The following GOLGA6L2 variants were observed in gnomAD, a reference collection of about 807,000 sequenced individuals.
The protein encoded by GOLGA6L2 is golgin A6 family like 2.
In GOLGA6L2, 30 loss-of-function variants were observed where a neutral mutation model predicts 35.9. The ratio of observed to expected loss-of-function variants is 0.83; its 90% confidence interval spans 0.62 to 1.13. The LOEUF is 1.13. Ranked by LOEUF, GOLGA6L2 falls within the 50% of genes most tolerant of loss-of-function variation. The pLI is 0.00. For missense variants in GOLGA6L2, 821 were observed against 973.4 expected, an observed-to-expected ratio of 0.84 and a Z score of 2.08; for synonymous variants, 297 against 344.0, an observed-to-expected ratio of 0.86 and a Z score of 1.51.
At chr15:23,447,044 G>A in intron 1 of GOLGA6L2, 54 bp downstream of exon 1, 2 of 874,428 alleles carry the variant, frequency 2.3e-6, no homozygotes, top group East Asian at 5.5e-5. Flanking sequence ...TCTGCCATGG[G>A]AGGGGGCCTG....
At chr15:23,444,869 T>C (rs1261698183) in intron 2 of GOLGA6L2, among the ~76,000 whole-genome samples, 1 of 151,328 alleles carries the variant, frequency 6.6e-6, no homozygotes, top group African/African-American at 2.4e-5. Flanking sequence ...TGCTGGGATA[T>C]AGGACGGAAA....
chr15:23,444,382 A>G (rs765114960), intron 3 of GOLGA6L2, 89 bp downstream of exon 3: 331 of 1,505,514 alleles, frequency 2.2e-4, no homozygotes, highest in Non-Finnish European at 2.8e-4. Flanking sequence ...TTCTTCCCCA[A>G]GCTGGGAGTA....
In GOLGA6L2 at chr15:23,442,018, T is replaced by C. The variant is rs778723158; in HGVS notation, c.753A>G (p.Leu251=). 5.8e-6 allele frequency: 9 copies of C among 1,545,226 alleles called. 1 individual carries two copies. Among genetic ancestry groups the C allele is most frequent in the Middle Eastern group, 2.3e-4 (1 of 4,378 alleles). ...KSEIQLNVKE[L]KRKLERAKFL... ...ACTTGGCCCTCTCCAGTTTCCTTTT[T>C]AGCTCCTTCACGTTGAGCTGGATCT... The change falls in exon 7 of 8, where the codon CTA becomes CTG. Residue 251 remains leucine, a synonymous_variant. Coordinates refer to ENST00000567107, the MANE Select transcript of GOLGA6L2 (RefSeq NM_001304388.2).
chr15:23,443,842 G>A lies in GOLGA6L2; in HGVS notation c.526C>T (p.His176Tyr). ...GCCCGCTGTAACTCTCCTGCAAAGTGCCAGGAATGATGCAAGCGGCCGGCG... is the reference window on the plus strand; with the variant it reads ...GCCCGCTGTAACTCTCCTGCAAAGTACCAGGAATGATGCAAGCGGCCGGCG... ...DLAGRLHHSW[H>Y]FAGELQRALS... The change falls in exon 5 of 8, where the codon CAC (histidine) becomes TAC (tyrosine). Residue 176 changes from histidine to tyrosine, a missense_variant. Physicochemically the swap from His to Tyr is moderately conservative, Grantham distance 83. Coordinates refer to ENST00000567107, the MANE Select transcript of GOLGA6L2 (RefSeq NM_001304388.2). 1.3e-6 allele frequency: 2 copies of A among 1,540,596 alleles called. No homozygotes were observed. The highest frequency in any genetic ancestry group is 8.7e-7 in the Non-Finnish European group (1 of 1,149,444).
Position 23,441,587 on chromosome 15 carries a change from C to A in GOLGA6L2, c.888G>T (p.Trp296Cys), listed in dbSNP as rs763440228. Residue 296 changes from tryptophan to cysteine, a missense_variant, in exon 8 of 8, where the codon TGG becomes TGT. Physicochemically the swap from Trp to Cys is radical, Grantham distance 215. Coordinates refer to ENST00000567107, the MANE Select transcript of GOLGA6L2 (RefSeq NM_001304388.2). Reference sequence around the variant, plus strand: ...GCTCCCGCAGTCTCTCCTCCTGTCTCCACATCTTCTCCTCCTGCTTCCGTA... The same window carrying A: ...GCTCCCGCAGTCTCTCCTCCTGTCTACACATCTTCTCCTCCTGCTTCCGTA... The part of the protein sequence containing the change: ...KKIRKQEEKM[W>C]RQEERLREQE... The A allele has an allele frequency of 3.9e-5, 61 of 1,549,194 alleles. No individual in the cohort carries two copies. Among genetic ancestry groups the A allele is most frequent in the Non-Finnish European group, 5.1e-5 (58 of 1,146,880 alleles).
rs2141076143 is a variant in GOLGA6L2, at chr15:23,440,316, GAT to G, written c.2157_2158del (p.Arg719SerfsTer63). On this transcript the variant is annotated frameshift_variant, in exon 8 of 8. Coordinates refer to ENST00000567107, the MANE Select transcript of GOLGA6L2 (RefSeq NM_001304388.2). LOFTEE classifies it low-confidence loss of function (END_TRUNC). ...TTCTGGTCCCACATCTTCTGCTCCT[GAT>G]CTCCTGCTCCTGCATCTTCTCGTGT... 45 of 102,042 alleles carry G rather than the reference GAT, an allele frequency of 4.4e-4. No homozygotes were observed. The highest frequency in any genetic ancestry group is 3.8e-3 in the Middle Eastern group (2 of 532). The allele number at this position is 102,042 out of a possible 1,614,324, so 6.3% of individuals were successfully genotyped here. A position where few individuals can be genotyped will look rare whatever the true frequency, so the allele number is the denominator to read the frequency against.
At position 23,443,819 on chromosome 15, in the gene GOLGA6L2, C is replaced by T. The variant is rs1250647197; in HGVS notation, c.549G>A (p.Arg183=). 5.2e-6 allele frequency: 8 copies of T among 1,539,600 alleles called. No homozygotes were observed. The highest frequency in any genetic ancestry group is 7.0e-6 in the Non-Finnish European group (8 of 1,149,014). The part of the protein sequence containing the change: ...HSWHFAGELQ[R]ALSAVSTWHK... ...GCCATGTGGACACAGCAGAGAGAGC[C>T]CGCTGTAACTCTCCTGCAAAGTGCC... is the stretch of plus-strand genomic sequence containing the variant. The change falls in exon 5 of 8, where the codon CGG becomes CGA. Residue 183 remains arginine, a synonymous_variant. Coordinates refer to ENST00000567107, the MANE Select transcript of GOLGA6L2 (RefSeq NM_001304388.2).
intron 5 of GOLGA6L2, 52 bp downstream of exon 5, chr15:23,443,725 C>G: frequency 7.2e-7 from 1 of 1,384,650 alleles, no homozygotes; most frequent in Non-Finnish European, 9.9e-7. Flanking sequence ...AGGCTCATTC[C>G]TCCATCTGCG....
intron 1 of GOLGA6L2, among the ~76,000 whole-genome samples, 180 bp downstream of exon 1, chr15:23,446,918 G>C (rs187669039): frequency 6.6e-6 from 1 of 152,094 alleles, no homozygotes; most frequent in East Asian, 2.0e-4. Flanking sequence ...AAGGGCCGGG[G>C]CAGGACTGCT....
chr15:23,443,806 C>T lies in GOLGA6L2; in HGVS notation c.562G>A (p.Val188Met). 2.6e-6 allele frequency: 4 copies of T among 1,539,176 alleles called. No individual in the cohort carries two copies. The highest frequency in any genetic ancestry group is 3.5e-6 in the Non-Finnish European group (4 of 1,148,618). ...TCTGCCTTCTTGTGCCATGTGGACA[C>T]AGCAGAGAGAGCCCGCTGTAACTCT... The part of the protein sequence containing the change: ...AGELQRALSA[V>M]STWHKKADRY... Residue 188 changes from valine (V) to methionine (M), a missense_variant, in exon 5 of 8, where the codon GTG becomes ATG. By Grantham distance (21) the Val-to-Met change is conservative. Transcript: ENST00000567107.
In GOLGA6L2 at chr15:23,439,541, T is replaced by G; in HGVS notation, c.*204A>C. ...TGTAGGCCTTGTTGACAGTGCCAAC[T>G]TTTAGATATTGATGATCTTCATCTT... is the stretch of plus-strand genomic sequence containing the variant. On this transcript the variant is annotated 3_prime_UTR_variant, in exon 8 of 8. Transcript: ENST00000567107. 6.6e-7 allele frequency: 1 copy of G among 1,520,544 alleles called. No homozygotes were observed. The highest frequency in any genetic ancestry group is 8.8e-7 in the Non-Finnish European group (1 of 1,136,188). The allele number at this position is 1,520,544 out of a possible 1,614,324, so 94.2% of individuals were successfully genotyped here. A position where few individuals can be genotyped will look rare whatever the true frequency, so the allele number is the denominator to read the frequency against.
chr15:23,439,192 C>G lies in GOLGA6L2; in HGVS notation c.*553G>C, dbSNP rs1203434192. Among the ~76,000 whole-genome samples, 6 of 128,470 alleles carry G rather than the reference C, an allele frequency of 4.7e-5. No individual in the cohort carries two copies. Among genetic ancestry groups the G allele is most frequent in the Non-Finnish European group, 9.5e-5 (6 of 63,278 alleles). 84.3% of individuals were successfully genotyped at this position (128,470 alleles called of 152,430 possible). A position where few individuals can be genotyped will look rare whatever the true frequency, so the allele number is the denominator to read the frequency against. On this transcript the variant is annotated 3_prime_UTR_variant, in exon 8 of 8. Coordinates refer to ENST00000567107, the MANE Select transcript of GOLGA6L2 (RefSeq NM_001304388.2). Reference sequence around the variant, plus strand: ...TTGAGATGGAATCTCGCTCTGTCATCCAGGCTGGAATGCGGTGGTGTGATC... The same window carrying G: ...TTGAGATGGAATCTCGCTCTGTCATGCAGGCTGGAATGCGGTGGTGTGATC...
Position 23,442,492 on chromosome 15 carries a change from G to C in GOLGA6L2, c.608C>G (p.Thr203Arg). 6.3e-7 allele frequency: 1 copy of C among 1,594,576 alleles called. No homozygotes were observed. Among genetic ancestry groups the C allele is most frequent in the South Asian group, 1.1e-5 (1 of 90,112 alleles). The part of the protein sequence containing the change: ...KKADRYIEEL[T>R]KERDALSLEL... ...CAGACTCAGGGCGTCCCTCTCCTTT[G>C]TTAACTCCTCGATGTACTGCAAATA... The change falls in exon 6 of 8, where the codon ACA becomes AGA. Residue 203 changes from threonine to arginine, a missense_variant. Coordinates refer to ENST00000567107, the MANE Select transcript of GOLGA6L2 (RefSeq NM_001304388.2).
rs1366177297 is a variant in GOLGA6L2 at position 23,439,172 on chromosome 15, A to G, written c.*573T>C. Among the ~76,000 whole-genome samples, 3 of 17,482 alleles carry G rather than the reference A, an allele frequency of 1.7e-4. No individual in the cohort carries two copies. Among genetic ancestry groups the G allele is most frequent in the Non-Finnish European group, 3.9e-4 (2 of 5,086 alleles). The allele number at this position is 17,482 out of a possible 152,430, so 11.5% of individuals were successfully genotyped here. A position where few individuals can be genotyped will look rare whatever the true frequency, so the allele number is the denominator to read the frequency against. ...TAGAAACTTTTTTTTTTTTTTTGAG[A>G]TGGAATCTCGCTCTGTCATCCAGGC... On this transcript the variant is annotated 3_prime_UTR_variant, in exon 8 of 8. Coordinates refer to ENST00000567107, the MANE Select transcript of GOLGA6L2 (RefSeq NM_001304388.2).
rs528992780 is a variant in GOLGA6L2, at chr15:23,442,334, T to C, written c.650+116A>G. The C allele has an allele frequency of 8.4e-4, 1,078 of 1,281,980 alleles. 2 individuals are homozygous for C. The highest frequency in any genetic ancestry group is 1.8e-3 in the South Asian group (138 of 76,570). The allele number at this position is 1,281,980 out of a possible 1,614,324, so 79.4% of individuals were successfully genotyped here. ...CACAGCCGGCACTAGAGCTTCCCTG[T>C]GCACACATGTAAACCTGTATGACCC... On this transcript the variant is annotated intron_variant, in intron 6 of 7. Transcript: ENST00000567107.
At position 23,440,775 on chromosome 15, in the gene GOLGA6L2, C is replaced by CCCACATCTTCTCCTCCTGCTT. The variant is rs1555364841; in HGVS notation, c.1699_1700insAAGCAGGAGGAGAAGATGTGG (p.Ala566_Gly567insGluAlaGlyGlyGluAspVal). On this transcript the variant is annotated inframe_insertion, in exon 8 of 8. Transcript: ENST00000567107. ...TGGTCCCACATCTTCTGCTCCTGAT[C>CCCACATCTTCTCCTCCTGCTT]CCGCATCTTCTCCTCCTGCTCCCAC... The CCCACATCTTCTCCTCCTGCTT allele has an allele frequency of 2.9e-5, 42 of 1,437,478 alleles. No homozygotes were observed. The African/African-American group carries it at 5.0e-4, about 17-fold the overall frequency. The allele number at this position is 1,437,478 out of a possible 1,614,324, so 89.0% of individuals were successfully genotyped here.
At position 23,444,152 on chromosome 15, in the gene GOLGA6L2, C is replaced by T; in HGVS notation, c.294+10G>A. The T allele has an allele frequency of 6.2e-7, 1 of 1,603,498 alleles. No individual in the cohort carries two copies. Reference sequence around the variant, plus strand: ...AGAGGACAGGAGGGAACTTCACACCCTCCACTCACCTCTATCTCCCGCCTT... The same window carrying T: ...AGAGGACAGGAGGGAACTTCACACCTTCCACTCACCTCTATCTCCCGCCTT... On this transcript the variant is annotated intron_variant, in intron 4 of 7. Coordinates refer to ENST00000567107, the MANE Select transcript of GOLGA6L2 (RefSeq NM_001304388.2).
intron 5 of GOLGA6L2, among the ~76,000 whole-genome samples, chr15:23,443,493 A>G (rs1347709478): frequency 1.3e-5 from 2 of 152,012 alleles, no homozygotes; most frequent in African/African-American, 4.8e-5. Flanking sequence ...AAATACCTTA[A>G]CCCCTGCCTA....
rs1472866797 is a variant in GOLGA6L2, at chr15:23,441,505, G to A, written c.970C>T (p.Arg324Ter). 24 of 1,389,488 alleles carry A rather than the reference G, an allele frequency of 1.7e-5. No individual in the cohort carries two copies. The highest frequency in any genetic ancestry group is 6.0e-5 in the East Asian group (2 of 33,188). 86.1% of individuals were successfully genotyped at this position (1,389,488 alleles called of 1,614,324 possible). A position where few individuals can be genotyped will look rare whatever the true frequency, so the allele number is the denominator to read the frequency against. ...TCCCGCAGCTCCTTCTCCTGCTCTC[G>A]CAGCCTCTTCTCCTGTCTCCGCATC... ...EKMRRQEKRL[R>*]EQEKELREQE... The change falls in exon 8 of 8, where the codon CGA becomes TGA. Residue 324 changes from arginine (R) to a stop codon, truncating the protein, a stop_gained. Transcript: ENST00000567107. LOFTEE classifies it low-confidence loss of function (END_TRUNC).
Sources: gnomAD v4.1 joint callset for allele counts (sites outside exome capture counted in the v4.1 genomes callset) on GRCh38, gnomAD v4.1.1 for gene constraint, MANE v1.5 for transcripts, NCBI Gene and HGNC (gene_info 2026-07-23, HGNC 2026-07-21) for gene names.